Variants in UNC79 observed in about 807,000 individuals in gnomAD.
UNC79 encodes unc-79 subunit of NALCN channel complex.
In UNC79, 37 loss-of-function variants were observed where a neutral mutation model predicts 283.1. The ratio of observed to expected loss-of-function variants is 0.13; its 90% CI spans 0.10 to 0.17. The LOEUF (loss-of-function observed/expected upper bound fraction) is 0.17, where lower values mean the gene tolerates loss of function less well. Among genes scored for constraint, UNC79 ranks in the 10% least tolerant of loss-of-function variants. The pLI, the probability that UNC79 is intolerant of heterozygous loss-of-function variation, is 1.00. For synonymous variants in UNC79, 1,107 were observed against 1,200.2 expected, an observed-to-expected ratio of 0.92 and a Z score of 1.61; for missense variants, 2,272 against 3,211.1, an observed-to-expected ratio of 0.71 and a Z score of 7.07.
At chr14:93,528,697 T>C (rs1304919524) in intron 9 of UNC79, 51 bp downstream of exon 9, 1 of 1,548,084 alleles carries the variant, frequency 6.5e-7, no homozygotes, top group Non-Finnish European at 8.9e-7. Context: ...AATAAGAAGA[T>C]AAGAAAAATC....
chr14:93,694,420 A>G lies in UNC79; in HGVS notation c.7548+8A>G, dbSNP rs1198499664. 10 of 1,607,102 alleles carry G rather than the reference A, an allele frequency of 6.2e-6. No individual in the cohort carries two copies. Among genetic ancestry groups the G allele is most frequent in the Non-Finnish European group, 7.7e-6 (9 of 1,174,196 alleles). On this transcript the variant is annotated splice_region_variant and intron_variant, in intron 47 of 48. Coordinates refer to ENST00000555664, the Ensembl canonical transcript of UNC79. The stretch of plus-strand genomic sequence containing the variant: ...TCGACCATTTTTGTCAAGGTAGGAA[A>G]ACCTTATGATTTTTAAAGACCATTT...
At position 93,617,215 on chromosome 14, in the gene UNC79, T is replaced by A. The variant is rs1166534951; in HGVS notation, c.4135T>A (p.Phe1379Ile). Reference sequence around the variant, plus strand: ...CTCTTGTCCTCAACTCCGGCATTATTTCCAACAGCCGCCTCGTTGCTCCCT... The same window carrying A: ...CTCTTGTCCTCAACTCCGGCATTATATCCAACAGCCGCCTCGTTGCTCCCT... Residue 1379 changes from phenylalanine to isoleucine, a missense_variant, in exon 28 of 49, where the codon TTC becomes ATC. Physicochemically the swap from Phe to Ile is conservative, Grantham distance 21 (BLOSUM62 0). This residue lies in a region of UNC79 where 128 missense variants were observed against 230.3 expected (regional missense o/e 0.56). Coordinates refer to ENST00000555664, the Ensembl canonical transcript of UNC79. This position sits in a 1 kb window ranked among gnomAD's most constrained non-coding sequence, Gnocchi z 4.5. 6.2e-7 allele frequency: 1 copy of A among 1,614,206 alleles called. No individual in the cohort carries two copies.
chr14:93,649,334 A>C (rs1019188177), intron 35 of UNC79, among the ~76,000 whole-genome samples: 2 of 152,194 alleles, frequency 1.3e-5, no homozygotes, highest in African/African-American at 4.8e-5. Flanking sequence ...GGAAGATTTT[A>C]AACATACTGC....
At chr14:93,529,232 T>G (rs965250346) in intron 9 of UNC79, 54 bp from the exon 10 acceptor site, 1 of 1,596,474 alleles carries the variant, frequency 6.3e-7, no homozygotes, top group African/African-American at 1.3e-5. Flanking sequence ...AACATTCATG[T>G]GGAAGGAGAA....
intron 4 of UNC79, among the ~76,000 whole-genome samples, chr14:93,486,780 T>C (rs1339390541): frequency 1.3e-5 from 2 of 151,934 alleles, no homozygotes; most frequent in Non-Finnish European, 2.9e-5. Context: ...CTCTTAAACA[T>C]GAGAAACAAA....
chr14:93,535,532 A>G (rs2061027077), intron 11 of UNC79, among the ~76,000 whole-genome samples: 1 of 152,190 alleles, frequency 6.6e-6, no homozygotes, highest in Admixed American at 6.5e-5. Context: ...CGGACAGGGC[A>G]TGATGGAGAT....
intron 14 of UNC79, among the ~76,000 whole-genome samples, chr14:93,566,981 T>A (rs1259149586): frequency 6.6e-6 from 1 of 152,156 alleles, no homozygotes; most frequent in Non-Finnish European, 1.5e-5. Flanking sequence ...TAGTGTTAAA[T>A]CAAGTTTAAC....
intron 7 of UNC79, among the ~76,000 whole-genome samples, chr14:93,520,626 C>T (rs1020435562): frequency 6.6e-6 from 1 of 151,866 alleles, no homozygotes; most frequent in African/African-American, 2.4e-5. Context: ...TATTTTTCTT[C>T]CATTATTTCA....
chr14:93,485,149 A>C (rs1255977189), intron 4 of UNC79, among the ~76,000 whole-genome samples: 2 of 151,000 alleles, frequency 1.3e-5, no homozygotes, highest in African/African-American at 4.9e-5. Flanking sequence ...ATTTAAACAA[A>C]GGTGAAACAC....
intron 33 of UNC79, among the ~76,000 whole-genome samples, 181 bp downstream of exon 36, chr14:93,641,428 G>A (rs2069023846): frequency 2.0e-5 from 3 of 152,132 alleles, no homozygotes; most frequent in African/African-American, 4.8e-5. Flanking sequence ...CAAAGCGGGT[G>A]GATTGCTTGA....
chr14:93,554,391 CT>C (rs1305203013), intron 14 of UNC79, among the ~76,000 whole-genome samples: 1 of 151,360 alleles, frequency 6.6e-6, no homozygotes, highest in African/African-American at 2.4e-5. Context: ...TCTCTTTTTC[CT>C]GTAGGCGAAT....
chr14:93,539,963 A>G (rs764583896), intron 12 of UNC79, among the ~76,000 whole-genome samples: 33 of 152,186 alleles, frequency 2.2e-4, no homozygotes, highest in Non-Finnish European at 3.4e-4. Context: ...TAACGCTTTG[A>G]GAAATATTTT....
chr14:93,611,992 T>G (rs1446921867), intron 26 of UNC79, among the ~76,000 whole-genome samples: 1 of 152,218 alleles, frequency 6.6e-6, no homozygotes, highest in East Asian at 1.9e-4. Context: ...CTTCTGACTT[T>G]GAAAAATAAC....
chr14:93,468,877 A>T (rs567185597), intron 2 of UNC79, among the ~76,000 whole-genome samples: 1 of 152,206 alleles, frequency 6.6e-6, no homozygotes, highest in Non-Finnish European at 1.5e-5. Flanking sequence ...CTCTTACAGG[A>T]TATTTTCCTT....
At chr14:93,455,589 T>C (rs2056773789) in intron 1 of UNC79, among the ~76,000 whole-genome samples, 1 of 152,104 alleles carries the variant, frequency 6.6e-6, no homozygotes, top group Non-Finnish European at 1.5e-5. Flanking sequence ...GTTACACTAT[T>C]TTAAGGGACA....
At chr14:93,442,057 CA>C (rs1330426654) in intron 1 of UNC79, among the ~76,000 whole-genome samples, 1 of 152,014 alleles carries the variant, frequency 6.6e-6, no homozygotes, top group Non-Finnish European at 1.5e-5. Flanking sequence ...TTTGTCACAT[CA>C]TTTTTTTTGG....
intron 20 of UNC79, among the ~76,000 whole-genome samples, chr14:93,585,809 C>G (rs2064179309): frequency 6.6e-6 from 1 of 151,814 alleles, no homozygotes; most frequent in Admixed American, 6.6e-5. Context: ...GTTTCAAAAT[C>G]TACCTCTTTT....
At chr14:93,636,953 G>T (rs1254836503) in intron 31 of UNC79, among the ~76,000 whole-genome samples, 1 of 152,112 alleles carries the variant, frequency 6.6e-6, no homozygotes, top group Non-Finnish European at 1.5e-5. Context: ...GTGGGGGCAG[G>T]GTGGGGTGCT....
intron 1 of UNC79, among the ~76,000 whole-genome samples, chr14:93,411,406 G>T (rs1044073753): frequency 6.6e-6 from 1 of 152,188 alleles, no homozygotes; most frequent in African/African-American, 2.4e-5. Flanking sequence ...AGCCTAGCTG[G>T]CTTCCCTGCC....
Sources: allele counts gnomAD v4.1 joint callset (sites outside exome capture counted in the v4.1 genomes callset), GRCh38; gene constraint gnomAD v4.1.1; regional missense constraint gnomAD v4.1.1; non-coding constraint Gnocchi (gnomAD v3.1); transcripts MANE v1.5; gene names NCBI Gene and HGNC (gene_info 2026-07-23, HGNC 2026-07-21).